USP16: variants seen among roughly 807,000 people sequenced by gnomAD.
The protein encoded by USP16 is ubiquitin carboxyl-terminal hydrolase 16.
In USP16, 77 loss-of-function variants were observed where a neutral mutation model predicts 95.9. The ratio of observed to expected loss-of-function variants is 0.80; its 90% confidence interval spans 0.67 to 0.97. USP16 has a LOEUF of 0.97. Among genes scored for constraint, USP16 ranks in the 50% least tolerant of loss-of-function variants. USP16 has a pLI of 0.00. For synonymous variants in USP16, 303 were observed against 318.2 expected (o/e 0.95, Z 0.51); for missense variants, 943 against 959.9 (o/e 0.98, Z 0.23).
rs1425743272 is a variant in USP16, at chr21:29,046,881, G to A, written c.1571G>A (p.Ser524Asn). Residue 524 changes from serine (S) to asparagine (N), a missense_variant, in exon 14 of 18, where the codon AGT (serine) becomes AAT (asparagine). Physicochemically the swap from Ser to Asn is conservative, Grantham distance 46. Coordinates refer to ENST00000399976, the MANE Select transcript of USP16 (RefSeq NM_006447.3). The stretch of plus-strand genomic sequence containing the variant: ...AATGGCCAAGCAAAAATGATCGAAA[G>A]TGTAACTGACAATCAAAAATCCACA... ...DLNGQAKMIE[S>N]VTDNQKSTEE... 15 of 1,614,104 alleles carry A rather than the reference G, an allele frequency of 9.3e-6. No individual in the cohort carries two copies. Among genetic ancestry groups the A allele is most frequent in the Non-Finnish European group, 1.2e-5 (14 of 1,180,012 alleles).
intron 1 of USP16, chr21:29,025,646 A>G: frequency 1.9e-6 from 1 of 536,232 alleles, no homozygotes; most frequent in Non-Finnish European, 2.4e-6. Context: ...CAGATTTACT[A>G]GTGCTGTCTT....
chr21:29,033,141 A>G (rs889793134), intron 3 of USP16, among the ~76,000 whole-genome samples: 5 of 152,218 alleles, frequency 3.3e-5, no homozygotes, highest in African/African-American at 1.2e-4. Context: ...TTTGTGTTAC[A>G]AATTTTTGTG....
intron 11 of USP16, 107 bp downstream of exon 11, chr21:29,042,211 C>A: frequency 1.9e-6 from 2 of 1,026,248 alleles, no homozygotes; most frequent in Non-Finnish European, 2.8e-6. Flanking sequence ...TCTTTTTAAA[C>A]TATTCAGATG....
Position 29,048,839 on chromosome 21 carries a change from T to G in USP16, c.2090T>G (p.Leu697Ter). 1.2e-6 allele frequency: 2 copies of G among 1,613,614 alleles called. No individual in the cohort carries two copies. The highest frequency in any genetic ancestry group is 1.7e-6 in the Non-Finnish European group (2 of 1,179,782). ...GCTCCTCCTGTTCTTACTCTTCATTTAAAGAGATTTCAGCAGGTACTCCTT... is the reference window on the plus strand; with the variant it reads ...GCTCCTCCTGTTCTTACTCTTCATTGAAAGAGATTTCAGCAGGTACTCCTT... ...SLAPPVLTLH[L>*]KRFQQAGFNL... The change falls in exon 15 of 18, where the codon TTA (leucine) becomes TGA (stop). Residue 697 changes from leucine (L) to a stop codon, truncating the protein, a stop_gained. Coordinates refer to ENST00000399976, the MANE Select transcript of USP16 (RefSeq NM_006447.3). LOFTEE classifies it high-confidence loss of function.
intron 3 of USP16, among the ~76,000 whole-genome samples, chr21:29,033,574 T>C (rs2085108798): frequency 3.3e-5 from 5 of 152,234 alleles, no homozygotes; most frequent in African/African-American, 1.2e-4. Context: ...GTCATGTTCT[T>C]TTATGAATAA....
At chr21:29,025,606 A>G (rs145924952) in intron 1 of USP16, 4 of 239,518 alleles carry the variant, frequency 1.7e-5, no homozygotes, top group Non-Finnish European at 2.7e-5. Context: ...AAGTTTTCCT[A>G]TGGAGTCTAA....
intron 2 of USP16, among the ~76,000 whole-genome samples, chr21:29,029,220 T>C (rs769411728): frequency 3.3e-5 from 5 of 152,222 alleles, no homozygotes; most frequent in Non-Finnish European, 5.9e-5. Flanking sequence ...GAGACCATCC[T>C]GGCTAACACG....
intron 13 of USP16, 133 bp from the exon 14 acceptor site, chr21:29,046,533 AT>A: frequency 1.0e-6 from 1 of 972,214 alleles, no homozygotes; most frequent in Non-Finnish European, 1.5e-6. Flanking sequence ...TTAGGAAATT[AT>A]TTTTGATTGA....
intron 10 of USP16, among the ~76,000 whole-genome samples, chr21:29,041,267 C>A (rs1416096043): frequency 6.6e-6 from 1 of 152,132 alleles, no homozygotes; most frequent in Non-Finnish European, 1.5e-5. Flanking sequence ...CAACTCTTTG[C>A]CTCCTTGGTG....
rs898552979 is a variant in USP16 at position 29,040,670 on chromosome 21, TA to T, written c.1019del (p.Asn340IlefsTer24). On this transcript the variant is annotated frameshift_variant, in exon 10 of 18. Transcript: ENST00000399976. LOFTEE classifies it high-confidence loss of function. ...GNSTEKLDEE[L>X]KNKVKDYEKK... ...TCTACTGAAAAGTTGGATGAAGAAC[TA>T]AAAAATAAAGTTAAAGGTAATGTCT... The T allele has an allele frequency of 2.0e-6, 3 of 1,537,228 alleles. No homozygotes were observed. In the African/African-American group the frequency reaches 4.1e-5, roughly 21 times the overall value.
chr21:29,039,492 T>G lies in USP16; in HGVS notation c.875T>G (p.Phe292Cys), dbSNP rs1175878550. 2 of 1,613,170 alleles carry G rather than the reference T, an allele frequency of 1.2e-6. No homozygotes were observed. The highest frequency in any genetic ancestry group is 1.7e-6 in the Non-Finnish European group (2 of 1,179,380). ...FSQVCKKAVR[F>C]KGYQQQDSQE... ...TTGTTTTTCTCTAGAGCAGTGCGGTTTAAAGGCTATCAGCAGCAAGACAGC... is the reference window on the plus strand; with the variant it reads ...TTGTTTTTCTCTAGAGCAGTGCGGTGTAAAGGCTATCAGCAGCAAGACAGC... Residue 292 changes from phenylalanine (F) to cysteine (C), a missense_variant, in exon 9 of 18, where the codon TTT becomes TGT. Physicochemically the swap from Phe to Cys is radical, Grantham distance 205 (BLOSUM62 -2). Transcript: ENST00000399976.
In USP16 at chr21:29,054,348, G is replaced by T. The variant is rs1249648169; in HGVS notation, c.*161G>T. On this transcript the variant is annotated 3_prime_UTR_variant, in exon 18 of 18. Coordinates refer to ENST00000399976, the MANE Select transcript of USP16 (RefSeq NM_006447.3). ...ATTGAAGGGAAAAATACCTAAAAAT[G>T]TACAAAGGTTTTATATTGTCATAGT... is the stretch of plus-strand genomic sequence containing the variant. 1 of 953,822 alleles carries T rather than the reference G, an allele frequency of 1.0e-6. No homozygotes were observed. Among genetic ancestry groups the T allele is most frequent in the Non-Finnish European group, 1.5e-6 (1 of 666,102 alleles). The allele number at this position is 953,822 out of a possible 1,614,324, so 59.1% of individuals were successfully genotyped here.
At chr21:29,048,439 TA>T (rs575683871) in intron 14 of USP16, among the ~76,000 whole-genome samples, 46 of 152,300 alleles carry the variant, frequency 3.0e-4, no homozygotes, top group Admixed American at 2.8e-3. Context: ...TGGAATATAC[TA>T]AACTTTCAAC....
In USP16 at chr21:29,047,015, G is replaced by A; in HGVS notation, c.1705G>A (p.Glu569Lys). ...GAYLTEGSNG[E>K]VDISNGFKNL... ...CTACCTAACGGAAGGGAGCAATGGAGAAGTGGACATTTCCAATGGTTTCAA... is the reference window on the plus strand; with the variant it reads ...CTACCTAACGGAAGGGAGCAATGGAAAAGTGGACATTTCCAATGGTTTCAA... Residue 569 changes from glutamate (E) to lysine (K), a missense_variant, in exon 14 of 18, where the codon GAA (glutamate) becomes AAA (lysine). Glu to Lys is a moderately conservative substitution (Grantham distance 56). Coordinates refer to ENST00000399976, the MANE Select transcript of USP16 (RefSeq NM_006447.3). The A allele has an allele frequency of 6.2e-7, 1 of 1,614,128 alleles. No individual in the cohort carries two copies. Among genetic ancestry groups the A allele is most frequent in the Non-Finnish European group, 8.5e-7 (1 of 1,180,012 alleles).
At chr21:29,039,714 A>C in intron 9 of USP16, 146 bp downstream of exon 9, 1 of 632,696 alleles carries the variant, frequency 1.6e-6, no homozygotes. Context: ...TTTTTCAACT[A>C]GTATGTTTTC....
At chr21:29,030,352 G>A (rs1405252457) in intron 2 of USP16, among the ~76,000 whole-genome samples, 5 of 152,092 alleles carry the variant, frequency 3.3e-5, no homozygotes, top group Non-Finnish European at 7.4e-5. Context: ...TTTGTAGTGG[G>A]GGACAGTGGT....
chr21:29,047,540 C>T (rs942571161), intron 14 of USP16, among the ~76,000 whole-genome samples: 7 of 152,192 alleles, frequency 4.6e-5, no homozygotes, highest in Admixed American at 3.9e-4. Context: ...TTCTCCCTGA[C>T]ATCTCTCCCT....
At chr21:29,030,449 A>G (rs1461061539) in intron 2 of USP16, 146 bp from the exon 3 acceptor site, 4 of 695,968 alleles carry the variant, frequency 5.7e-6, no homozygotes, top group Non-Finnish European at 8.4e-6. Context: ...TTATTCAAAT[A>G]TCAAACAATT....
intron 1 of USP16, chr21:29,026,491 G>A (rs1461248432): frequency 1.4e-5 from 2 of 147,848 alleles, no homozygotes; most frequent in African/African-American, 4.9e-5. Context: ...GACTTGATTG[G>A]CAGGTAAAAA....
Sources: gnomAD v4.1 joint callset for allele counts (sites outside exome capture counted in the v4.1 genomes callset) on GRCh38, gnomAD v4.1.1 for gene constraint, MANE v1.5 for transcripts, NCBI Gene and HGNC (gene_info 2026-07-23, HGNC 2026-07-21) for gene names.